Variants in CFAP221 observed in about 807,000 individuals in gnomAD.
CFAP221 encodes cilia- and flagella-associated protein 221.
A neutral mutation model predicts 113.1 loss-of-function variants in CFAP221; 97 were observed. The ratio of observed to expected loss-of-function variants is 0.86; its 90% confidence interval spans 0.73 to 1.02. The LOEUF (loss-of-function observed/expected upper bound fraction) is 1.02, where lower values mean the gene tolerates loss of function less well. CFAP221 is among the 50% of genes least tolerant of loss of function. CFAP221 has a pLI of 0.00. For synonymous variants in CFAP221, 331 were observed against 354.4 expected (o/e 0.93, Z 0.74); for missense variants, 1,025 against 1,013.4 (o/e 1.01, Z -0.16).
intron 6 of CFAP221, among the ~76,000 whole-genome samples, chr2:119,565,726 C>A (rs370592202): frequency 4.6e-5 from 7 of 152,318 alleles, no homozygotes; most frequent in African/African-American, 1.7e-4. Context: ...CAGGCATAGC[C>A]TTCCAAGACT....
Position 119,572,527 on chromosome 2 carries a change from C to G in CFAP221, c.527+10413C>G, listed in dbSNP as rs1473809607. 5.7e-6 allele frequency: 4 copies of G among 697,376 alleles called. No individual in the cohort carries two copies. The Admixed American group carries it at 8.0e-5, about 14-fold the overall frequency. 43.2% of individuals were successfully genotyped at this position (697,376 alleles called of 1,614,324 possible). A position where few individuals can be genotyped will look rare whatever the true frequency, so the allele number is the denominator to read the frequency against. ...TCTAAAAAGATTCATGTTAATTCAT[C>G]ATGCTCTGTAGTTTACCCAACAGCG... On this transcript the variant is annotated intron_variant, in intron 6 of 23. Coordinates refer to ENST00000413369, the MANE Select transcript of CFAP221 (RefSeq NM_001271049.2).
chr2:119,652,067 G>A lies in CFAP221; in HGVS notation c.2412G>A (p.Glu804=), dbSNP rs1688162903. The A allele has an allele frequency of 6.2e-7, 1 of 1,607,100 alleles. No individual in the cohort carries two copies. The highest frequency in any genetic ancestry group is 1.7e-5 in the Admixed American group (1 of 59,776). Residue 804 remains glutamate (E), a splice_region_variant and synonymous_variant, in exon 23 of 24, where the codon GAG becomes GAA. Coordinates refer to ENST00000413369, the MANE Select transcript of CFAP221 (RefSeq NM_001271049.2). ...PMLNYKDIRK[E]KEVKDQAQPA... is the part of the protein sequence containing the mutation. ...TGAACTACAAGGACATCAGGAAGGA[G>A]AAGTAAGTGGATGCTTTTATGCCTT...
intron 6 of CFAP221, among the ~76,000 whole-genome samples, chr2:119,574,579 C>A (rs535507819): frequency 4.6e-5 from 7 of 152,278 alleles, no homozygotes; most frequent in African/African-American, 1.7e-4. Flanking sequence ...TTTCTGGGTT[C>A]TCTTCCTCCT....
rs140445574 is a variant in CFAP221, at chr2:119,606,342, T to C, written c.1133+1053T>C. On this transcript the variant is annotated intron_variant, in intron 11 of 23. Transcript: ENST00000413369. ...AAAAAGAGACTCTTGGAGAGTGTCA[T>C]TGAGAGGCTGCCTACTCCATGACCC... Among the ~76,000 whole-genome samples, 529 of 152,016 alleles carry C rather than the reference T, an allele frequency of 3.5e-3. 4 individuals are homozygous for C. The highest frequency in any genetic ancestry group is 9.2e-3 in the Admixed American group (141 of 15,270).
intron 6 of CFAP221, among the ~76,000 whole-genome samples, chr2:119,574,673 C>A (rs2104579505): frequency 6.6e-6 from 1 of 152,158 alleles, no homozygotes; most frequent in Middle Eastern, 3.4e-3. Flanking sequence ...CTGCAGCAGC[C>A]CAGGTTTGTA....
intron 5 of CFAP221, 32 bp from the exon 6 acceptor site, chr2:119,561,982 T>C: frequency 5.0e-6 from 7 of 1,399,044 alleles, no homozygotes; most frequent in Non-Finnish European, 6.8e-6. Context: ...GTCTTCAGAA[T>C]GTTAAACTTG....
At position 119,619,494 on chromosome 2, in the gene CFAP221, G is replaced by A. The variant is rs527728472; in HGVS notation, c.1410+3785G>A. The stretch of plus-strand genomic sequence containing the variant: ...AACTCCAGCAGACCTGCAGCAGAGG[G>A]GCCTGACTGTTAGAAGGAAAACTAA... On this transcript the variant is annotated intron_variant, in intron 14 of 23. Coordinates refer to ENST00000413369, the MANE Select transcript of CFAP221 (RefSeq NM_001271049.2). 2.6e-5 allele frequency among the ~76,000 whole-genome samples: 4 copies of A among 152,268 alleles called. No homozygotes were observed. The South Asian group carries it at 8.3e-4, about 32-fold the overall frequency.
chr2:119,634,597 A>G (rs1041711211), intron 19 of CFAP221, among the ~76,000 whole-genome samples: 1 of 143,932 alleles, frequency 6.9e-6, no homozygotes, highest in Non-Finnish European at 1.6e-5. Context: ...GAATGGAATA[A>G]AAAAAGTGGC....
At chr2:119,601,562 G>A (rs578125680) in intron 8 of CFAP221, 185 bp downstream of exon 8, 1 of 526,078 alleles carries the variant, frequency 1.9e-6, no homozygotes, top group East Asian at 3.3e-5. Flanking sequence ...CTAGTAGCAA[G>A]AGTTGCTTCT....
intron 12 of CFAP221, among the ~76,000 whole-genome samples, chr2:119,609,764 A>G (rs1192589530): frequency 6.6e-6 from 1 of 152,226 alleles, no homozygotes; most frequent in Non-Finnish European, 1.5e-5. Flanking sequence ...TGTGAGGTTC[A>G]GGTAGACTGA....
At chr2:119,605,142 C>G (rs765074385) in intron 10 of CFAP221, 39 bp from the exon 11 acceptor site, 3 of 1,549,772 alleles carry the variant, frequency 1.9e-6, no homozygotes, top group Non-Finnish European at 2.7e-6. Context: ...TGATTTTAAT[C>G]TGATTACTGG....
In CFAP221 at chr2:119,562,048, A is replaced by G. The variant is rs1319504244; in HGVS notation, c.461A>G (p.Tyr154Cys). 6.5e-7 allele frequency: 1 copy of G among 1,535,340 alleles called. No homozygotes were observed. The highest frequency in any genetic ancestry group is 2.0e-5 in the Admixed American group (1 of 50,856). ...ACTTTGCTTGTTCCTATTCATGCCT[A>G]TCCAGTCATGAACTCACTAGACTTT... The part of the protein sequence containing the change: ...DDTLLVPIHA[Y>C]PVMNSLDFPS... The change falls in exon 6 of 24, where the codon TAT becomes TGT. Residue 154 changes from tyrosine to cysteine, a missense_variant. Physicochemically the swap from Tyr to Cys is radical, Grantham distance 194. Coordinates refer to ENST00000413369, the MANE Select transcript of CFAP221 (RefSeq NM_001271049.2).
intron 14 of CFAP221, 89 bp from the exon 15 acceptor site, chr2:119,625,494 A>C (rs1296758652): frequency 2.7e-6 from 3 of 1,094,644 alleles, no homozygotes; most frequent in Non-Finnish European, 4.0e-6. Context: ...CTCAGCTCTT[A>C]GTGTGGTTGG....
chr2:119,553,993 G>C (rs1225668733), intron 3 of CFAP221, among the ~76,000 whole-genome samples: 1 of 152,104 alleles, frequency 6.6e-6, no homozygotes, highest in Non-Finnish European at 1.5e-5. Context: ...ATACTGCTTC[G>C]ATCAGACATT....
At chr2:119,625,410 T>C (rs953855431) in intron 14 of CFAP221, among the ~76,000 whole-genome samples, 173 bp from the exon 15 acceptor site, 3 of 152,176 alleles carry the variant, frequency 2.0e-5, no homozygotes, top group Admixed American at 6.5e-5. Context: ...GCCCAGACTT[T>C]GAAGTCCCTG....
chr2:119,596,454 C>A (rs550299984), intron 7 of CFAP221, among the ~76,000 whole-genome samples: 1 of 152,308 alleles, frequency 6.6e-6, no homozygotes, highest in South Asian at 2.1e-4. Flanking sequence ...AAAAGGAATT[C>A]CTGGCCTGGG....
chr2:119,648,109 A>G (rs925734943), intron 22 of CFAP221, among the ~76,000 whole-genome samples: 9 of 152,202 alleles, frequency 5.9e-5, no homozygotes, highest in Non-Finnish European at 1.0e-4. Context: ...TACATGCCCA[A>G]TGTTTAGTTC....
chr2:119,651,273 G>A (rs992110669), intron 22 of CFAP221, among the ~76,000 whole-genome samples: 2 of 152,066 alleles, frequency 1.3e-5, no homozygotes, highest in Admixed American at 6.6e-5. Context: ...ACTATAGCTC[G>A]GAACCAAATG....
intron 16 of CFAP221, among the ~76,000 whole-genome samples, chr2:119,629,546 C>T (rs75784594): frequency 1.3e-5 from 2 of 152,164 alleles, no homozygotes; most frequent in African/African-American, 4.8e-5. Flanking sequence ...TCCCCTGCCC[C>T]CAAGAGGTGT....
Sources: allele counts gnomAD v4.1 joint callset (sites outside exome capture counted in the v4.1 genomes callset), GRCh38; gene constraint gnomAD v4.1.1; transcripts MANE v1.5; gene names NCBI Gene and HGNC (gene_info 2026-07-23, HGNC 2026-07-21).